The following SUZ12 variants were observed in gnomAD, a reference collection of about 807,000 sequenced individuals.
SUZ12 encodes the protein SUZ12 polycomb repressive complex 2 subunit, also known as polycomb protein SUZ12.
SUZ12 carries 17 observed loss-of-function variants against 87.3 expected under a neutral mutation model. That is an observed-to-expected ratio of 0.19 (90% confidence interval 0.13 to 0.29). The LOEUF (loss-of-function observed/expected upper bound fraction) is 0.29, where lower values mean the gene tolerates loss of function less well. Ranked by LOEUF, SUZ12 falls within the 10% of genes least tolerant of loss-of-function variation. SUZ12 has a pLI of 1.00. For missense variants in SUZ12, 526 were observed against 912.2 expected, an observed-to-expected ratio of 0.58 and a Z score of 5.45; for synonymous variants, 253 against 312.4, an observed-to-expected ratio of 0.81 and a Z score of 2.01.
intron 6 of SUZ12, among the ~76,000 whole-genome samples, chr17:31,974,751 A>T (rs1908643910): frequency 6.6e-6 from 1 of 152,198 alleles, no homozygotes; most frequent in South Asian, 2.1e-4. Context: ...GTCTTATAAA[A>T]TAGAAATTTT....
chr17:31,972,275 T>C, intron 5 of SUZ12, among the ~76,000 whole-genome samples: 1 of 151,476 alleles, frequency 6.6e-6, no homozygotes, highest in Admixed American at 6.6e-5. Context: ...ACAGAACGAG[T>C]CTCTGTCTCG....
intron 4 of SUZ12, 30 bp downstream of exon 4, chr17:31,947,715 G>A: frequency 5.0e-6 from 8 of 1,586,936 alleles, no homozygotes; most frequent in Non-Finnish European, 6.9e-6. Context: ...TACATTAAGT[G>A]ATATACTTTA....
At chr17:31,979,196 T>C (rs995866280) in intron 8 of SUZ12, among the ~76,000 whole-genome samples, 40 of 152,124 alleles carry the variant, frequency 2.6e-4, no homozygotes, top group African/African-American at 9.6e-4. Flanking sequence ...TCATCTAGAT[T>C]GTATCTGTTG....
Position 31,937,430 on chromosome 17 carries a change from G to A in SUZ12, c.184G>A (p.Ala62Thr), listed in dbSNP as rs1224627218. The A allele has an allele frequency of 6.5e-7, 1 of 1,542,232 alleles. No homozygotes were observed. Among genetic ancestry groups the A allele is most frequent in the Non-Finnish European group, 8.7e-7 (1 of 1,144,694 alleles). ...GGCCTCCTCCTCCTCCTCCGCGGCG[G>A]CAGCGGCGGGGGCTGCGGTGTTACC... ...YSASSSSSAA[A>T]AAGAAVLPVK... The change falls in exon 1 of 16, where the codon GCA (alanine) becomes ACA (threonine). Residue 62 changes from alanine to threonine, a missense_variant. Transcript: ENST00000322652.
chr17:31,997,110 A>G (rs1910015924), intron 15 of SUZ12, among the ~76,000 whole-genome samples: 1 of 152,142 alleles, frequency 6.6e-6, no homozygotes, highest in Middle Eastern at 3.2e-3. Flanking sequence ...ATTCATTAGT[A>G]TTAATAAAAT....
At chr17:31,996,472 A>T (rs988103197) in intron 14 of SUZ12, among the ~76,000 whole-genome samples, 4 of 152,142 alleles carry the variant, frequency 2.6e-5, no homozygotes, top group Non-Finnish European at 5.9e-5. Flanking sequence ...TACAAGAGTT[A>T]GCTGGGCATG....
At chr17:31,952,218 G>T (rs138040293) in intron 4 of SUZ12, among the ~76,000 whole-genome samples, 1,527 of 152,064 alleles carry the variant, frequency 0.01, 10 homozygotes, top group Middle Eastern at 0.024. Context: ...ATGCCACCAT[G>T]CCTGGCTAAT....
At chr17:31,972,122 T>A (rs62062429) in intron 5 of SUZ12, among the ~76,000 whole-genome samples, 151,498 of 151,498 alleles carry the variant, frequency 1, 75,749 homozygotes, top group Non-Finnish European at 1. Flanking sequence ...CATCTCTACT[T>A]AAAATTAAAA....
chr17:31,981,124 C>G (rs1026891484), intron 8 of SUZ12, among the ~76,000 whole-genome samples: 5 of 151,726 alleles, frequency 3.3e-5, no homozygotes, highest in African/African-American at 1.2e-4. Context: ...AAATAAAAAT[C>G]AAAAACTTCT....
At chr17:31,970,598 A>T (rs572279485) in intron 5 of SUZ12, among the ~76,000 whole-genome samples, 218 of 152,136 alleles carry the variant, frequency 1.4e-3, no homozygotes, top group Middle Eastern at 6.8e-3. Context: ...ACTGCATTCC[A>T]GCCTGGACAA....
chr17:31,944,294 C>A (rs928030255), intron 3 of SUZ12, among the ~76,000 whole-genome samples: 16 of 151,646 alleles, frequency 1.1e-4, no homozygotes, highest in Admixed American at 6.6e-4. Flanking sequence ...ATGCCTGGCT[C>A]ATTTTGTATT....
intron 1 of SUZ12, among the ~76,000 whole-genome samples, 196 bp from the exon 2 acceptor site, chr17:31,940,090 T>C (rs1906181826): frequency 6.6e-6 from 1 of 152,224 alleles, no homozygotes; most frequent in Admixed American, 6.5e-5. Context: ...ATGAACTTTG[T>C]GAATGTATGC....
chr17:31,990,743 A>G (rs1421140865), intron 10 of SUZ12, among the ~76,000 whole-genome samples: 4 of 151,486 alleles, frequency 2.6e-5, no homozygotes, highest in South Asian at 4.2e-4. Context: ...GTGTTCTATC[A>G]TTTTTATTTT....
chr17:31,952,000 C>G (rs1043200294), intron 4 of SUZ12, among the ~76,000 whole-genome samples: 1 of 152,076 alleles, frequency 6.6e-6, no homozygotes, highest in Non-Finnish European at 1.5e-5. Context: ...GTGTCAAACT[C>G]CTGACCTCAA....
At chr17:31,970,179 T>G (rs1908333349) in intron 5 of SUZ12, among the ~76,000 whole-genome samples, 1 of 152,246 alleles carries the variant, frequency 6.6e-6, no homozygotes, top group Admixed American at 6.5e-5. Flanking sequence ...ATTTTCATGA[T>G]GAGTATTGTT....
intron 9 of SUZ12, among the ~76,000 whole-genome samples, chr17:31,985,645 TTTTG>T (rs4037414): frequency 0.11 from 16,083 of 151,390 alleles, 1,041 homozygotes; most frequent in Middle Eastern, 0.15. Context: ...TTGTTGTTGG[TTTTG>T]TTTTTGTTTT....
rs537326268 is a variant in SUZ12 at position 31,999,919 on chromosome 17, C to T, written c.*916C>T. ...GGGAGAAGTGTTCTTAAAAAGTCAA[C>T]CAGAAAACTGTTATGCCTTTTATTT... On this transcript the variant is annotated 3_prime_UTR_variant, in exon 16 of 16. Coordinates refer to ENST00000322652, the MANE Select transcript of SUZ12 (RefSeq NM_015355.4). 1 of 232,548 alleles carries T rather than the reference C, an allele frequency of 4.3e-6. No individual in the cohort carries two copies. The highest frequency in any genetic ancestry group is 8.5e-6 in the Non-Finnish European group (1 of 117,772). 14.4% of individuals were successfully genotyped at this position (232,548 alleles called of 1,614,324 possible).
chr17:31,939,001 G>A (rs1255910637), intron 1 of SUZ12, among the ~76,000 whole-genome samples: 1 of 152,196 alleles, frequency 6.6e-6, no homozygotes, highest in East Asian at 1.9e-4. Flanking sequence ...ATGACCTAAC[G>A]TGACACTAAT....
rs1368654772 is a variant in SUZ12 at position 32,000,792 on chromosome 17, C to T, written c.*1789C>T. The T allele has an allele frequency of 1.7e-5, 4 of 230,016 alleles. No individual in the cohort carries two copies. The highest frequency in any genetic ancestry group is 1.1e-4 in the Admixed American group (2 of 17,662). 14.2% of individuals were successfully genotyped at this position (230,016 alleles called of 1,614,324 possible). A position where few individuals can be genotyped will look rare whatever the true frequency, so the allele number is the denominator to read the frequency against. On this transcript the variant is annotated 3_prime_UTR_variant, in exon 16 of 16. Coordinates refer to ENST00000322652, the MANE Select transcript of SUZ12 (RefSeq NM_015355.4). ...ACCCCAAATAGTAATAAAATTACTT[C>T]TGTTGAGTAAACTTTTTATGTCATC...
Sources: allele counts gnomAD v4.1 joint callset (sites outside exome capture counted in the v4.1 genomes callset), GRCh38; gene constraint gnomAD v4.1.1; transcripts MANE v1.5; gene names NCBI Gene and HGNC (gene_info 2026-07-23, HGNC 2026-07-21).